The following CTSE variants were observed in gnomAD, a reference collection of about 807,000 sequenced individuals.
CTSE encodes cathepsin E, also known as erythrocyte membrane aspartic proteinase.
Under a neutral mutation model 42.8 loss-of-function variants are expected in CTSE, and 43 were observed. The observed-to-expected ratio is 1.01, with a 90% CI of 0.79 to 1.30. The LOEUF (loss-of-function observed/expected upper bound fraction) is 1.30, where lower values mean the gene tolerates loss of function less well. CTSE is among the 50% of genes most tolerant of loss of function. CTSE has a pLI of 0.00. For missense variants in CTSE, 532 were observed against 493.5 expected, an observed-to-expected ratio of 1.08 and a Z score of -0.74; for synonymous variants, 205 against 191.5, an observed-to-expected ratio of 1.07 and a Z score of -0.58.
At chr1:206,020,577 G>A (rs114166398) in intron 4 of CTSE, among the ~76,000 whole-genome samples, 2 of 152,182 alleles carry the variant, frequency 1.3e-5, no homozygotes, top group Non-Finnish European at 2.9e-5. Context: ...TTGAGGAACA[G>A]CTCATGAGCT....
chr1:206,022,475 T>TG (rs1218257068), intron 2 of CTSE, among the ~76,000 whole-genome samples: 3 of 152,070 alleles, frequency 2.0e-5, no homozygotes, highest in African/African-American at 7.2e-5. Context: ...ACCAAGCCTC[T>TG]GGCTACTTCA....
intron 6 of CTSE, among the ~76,000 whole-genome samples, chr1:206,013,378 A>G (rs1661172133): frequency 6.6e-6 from 1 of 151,940 alleles, no homozygotes; most frequent in Non-Finnish European, 1.5e-5. Context: ...ACCACCTTCC[A>G]TTTTACAGGA....
chr1:206,020,069 T>C (rs1178530704), intron 4 of CTSE, among the ~76,000 whole-genome samples: 1 of 146,064 alleles, frequency 6.8e-6, no homozygotes, highest in African/African-American at 2.5e-5. Context: ...AATTATGCAA[T>C]TATTATATAC....
At chr1:206,014,696 A>G (rs1485369120) in intron 5 of CTSE, among the ~76,000 whole-genome samples, 1 of 152,066 alleles carries the variant, frequency 6.6e-6, no homozygotes, top group Non-Finnish European at 1.5e-5. Flanking sequence ...AGATGAAGCA[A>G]TGTAAGTGGC....
chr1:206,017,591 G>A (rs1299897239), intron 4 of CTSE, among the ~76,000 whole-genome samples: 2 of 152,024 alleles, frequency 1.3e-5, no homozygotes, highest in Non-Finnish European at 2.9e-5. Context: ...CTGGGTTCAA[G>A]CAGTTCTTCT....
At chr1:206,014,663 G>A (rs141693513) in intron 5 of CTSE, among the ~76,000 whole-genome samples, 6 of 152,146 alleles carry the variant, frequency 3.9e-5, no homozygotes, top group South Asian at 2.1e-4. Context: ...CTAGTGGTCC[G>A]TGGAAGAAAC....
At chr1:206,012,249 G>A (rs1319274200) in intron 8 of CTSE, 59 bp downstream of exon 8, 1 of 1,383,402 alleles carries the variant, frequency 7.2e-7, no homozygotes, top group African/African-American at 1.4e-5. Flanking sequence ...TTGAAAAGGG[G>A]AAGTGGCAGG....
rs1553278902 is a variant in CTSE at position 206,023,876 on chromosome 1, A to G, written c.-85T>C. On this transcript the variant is annotated 5_prime_UTR_variant, in exon 1 of 9. Transcript: ENST00000358184. ...TGGGAACGGACTTTCCCTAACTCTC[A>G]GACCTGCCCAGCCCAGTCTGAGGGC... 1 of 1,335,752 alleles carries G rather than the reference A, an allele frequency of 7.5e-7. No homozygotes were observed. Among genetic ancestry groups the G allele is most frequent in the African/African-American group, 1.5e-5 (1 of 68,714 alleles). The allele number at this position is 1,335,752 out of a possible 1,614,324, so 82.7% of individuals were successfully genotyped here.
rs1661447686 is a variant in CTSE, at chr1:206,022,108, A to G, written c.343+42T>C. On this transcript the variant is annotated intron_variant, in intron 3 of 8. Transcript: ENST00000358184. ...GTACCAGGCTTGGCCTCCCAGGACT[A>G]GCCCCCAGACATTCTCTGCTGGTGC... 2.8e-6 allele frequency: 4 copies of G among 1,409,672 alleles called. No homozygotes were observed. The South Asian group carries it at 5.2e-5, about 18-fold the overall frequency. The allele number at this position is 1,409,672 out of a possible 1,614,324, so 87.3% of individuals were successfully genotyped here. A position where few individuals can be genotyped will look rare whatever the true frequency, so the allele number is the denominator to read the frequency against.
chr1:206,015,954 C>T lies in CTSE; in HGVS notation c.639G>A (p.Pro213=), dbSNP rs782133341. ...ACCTGCTCATGTAGACAGAAAACAT[C>T]GGCAAGTCCACCAGGTTCTGAGCCA... ...NMMAQNLVDL[P]MFSVYMSSNP... Residue 213 remains proline, a synonymous_variant, in exon 5 of 9, where the codon CCG becomes CCA. Coordinates refer to ENST00000358184, the MANE Select transcript of CTSE (RefSeq NM_001910.4). 17 of 1,613,852 alleles carry T rather than the reference C, an allele frequency of 1.1e-5. No individual in the cohort carries two copies. The highest frequency in any genetic ancestry group is 3.3e-5 in the South Asian group (3 of 91,074).
At chr1:206,019,443 G>T (rs1460559217) in intron 4 of CTSE, among the ~76,000 whole-genome samples, 3 of 151,922 alleles carry the variant, frequency 2.0e-5, no homozygotes, top group Non-Finnish European at 4.4e-5. Flanking sequence ...TTTGTTAGAG[G>T]TAAGTGCACA....
At chr1:206,011,718 G>A (rs1361009877) in intron 8 of CTSE, among the ~76,000 whole-genome samples, 3 of 151,902 alleles carry the variant, frequency 2.0e-5, no homozygotes, top group Admixed American at 6.6e-5. Context: ...GTGTGGTGCC[G>A]AATACCTAGA....
rs1433919371 is a variant in CTSE at position 206,017,921 on chromosome 1, C to T, written c.463-1791G>A. On this transcript the variant is annotated intron_variant, in intron 4 of 8. Coordinates refer to ENST00000358184, the MANE Select transcript of CTSE (RefSeq NM_001910.4). The stretch of plus-strand genomic sequence containing the variant: ...TTAATATTGACAGAGTTATTTCTTC[C>T]TTTTCCATCTTAATGTTCTTTATTT... Among the ~76,000 whole-genome samples, 4 of 151,944 alleles carry T rather than the reference C, an allele frequency of 2.6e-5. No individual in the cohort carries two copies. In the East Asian group the frequency reaches 7.7e-4, roughly 29 times the overall value.
chr1:206,012,420 C>T lies in CTSE; in HGVS notation c.928-14G>A, dbSNP rs781783209. ...CTCCACAGCATACTAAAACCCAATA[C>T]GGAGGATCCGTTTAGAGCCTTGCCA... is the stretch of plus-strand genomic sequence containing the variant. On this transcript the variant is annotated splice_polypyrimidine_tract_variant and intron_variant, in intron 7 of 8. Coordinates refer to ENST00000358184, the MANE Select transcript of CTSE (RefSeq NM_001910.4). The T allele has an allele frequency of 1.5e-5, 25 of 1,613,738 alleles. 1 individual carries two copies. Among genetic ancestry groups the T allele is most frequent in the South Asian group, 1.5e-4 (14 of 91,078 alleles).
intron 3 of CTSE, 100 bp from the exon 4 acceptor site, chr1:206,021,267 A>G: frequency 1.1e-6 from 1 of 901,906 alleles, no homozygotes; most frequent in Non-Finnish European, 1.8e-6. Context: ...CTCTTCCCTC[A>G]GCTCTCAACA....
rs1661036560 is a variant in CTSE at position 206,009,947 on chromosome 1, AT to A, written c.*235del. ...AAAAATCAATACAAAATATGAATGT[AT>A]AACGTAATTCCTCCATCATGACGGT... On this transcript the variant is annotated 3_prime_UTR_variant, in exon 9 of 9. Transcript: ENST00000358184. 1 of 509,794 alleles carries A rather than the reference AT, an allele frequency of 2.0e-6. No individual in the cohort carries two copies. Among genetic ancestry groups the A allele is most frequent in the African/African-American group, 1.9e-5 (1 of 52,214 alleles). The allele number at this position is 509,794 out of a possible 1,614,324, so 31.6% of individuals were successfully genotyped here. A position where few individuals can be genotyped will look rare whatever the true frequency, so the allele number is the denominator to read the frequency against.
chr1:206,023,143 TAGAGAAG>T, intron 1 of CTSE, 86 bp from the exon 2 acceptor site: 1 of 722,500 alleles, frequency 1.4e-6, no homozygotes, highest in Non-Finnish European at 2.2e-6. Context: ...AGGGGCCAAC[TAGAGAAG>T]ATGGGGTGGG....
intron 8 of CTSE, 51 bp downstream of exon 8, chr1:206,012,257 A>G: frequency 2.1e-6 from 3 of 1,448,480 alleles, no homozygotes; most frequent in Non-Finnish European, 2.9e-6. Context: ...GGGAAGTGGC[A>G]GGCATGTGGG....
At chr1:206,015,864 T>A (rs1278558218) in intron 5 of CTSE, 67 bp downstream of exon 5, 2 of 1,454,574 alleles carry the variant, frequency 1.4e-6, no homozygotes, top group African/African-American at 2.8e-5. Flanking sequence ...GACTGCTAAG[T>A]CAAGTGTATG....
Sources: allele counts gnomAD v4.1 joint callset (sites outside exome capture counted in the v4.1 genomes callset), GRCh38; gene constraint gnomAD v4.1.1; transcripts MANE v1.5; gene names NCBI Gene and HGNC (gene_info 2026-07-23, HGNC 2026-07-21).